The following COL16A1 variants were observed in gnomAD, a reference collection of about 807,000 sequenced individuals.
The protein encoded by COL16A1 is collagen type XVI alpha 1 chain, also known as collagen alpha-1(XVI) chain.
In COL16A1, 189 loss-of-function variants were observed where a neutral mutation model predicts 266.3. The observed-to-expected ratio is 0.71, with a 90% CI of 0.63 to 0.80. The LOEUF is 0.80. COL16A1 is among the 30% of genes least tolerant of loss of function. The probability of loss-of-function intolerance (pLI) is 0.00; values close to 1 mark genes in which losing one functional copy is unlikely to be tolerated. For synonymous variants in COL16A1, 740 were observed against 782.3 expected (o/e 0.95, Z 0.90); for missense variants, 1,928 against 2,122.4 (o/e 0.91, Z 1.80).
intron 42 of COL16A1, among the ~76,000 whole-genome samples, chr1:31,678,331 G>A (rs11807597): frequency 1.3e-3 from 192 of 152,286 alleles, no homozygotes; most frequent in African/African-American, 4.4e-3. Flanking sequence ...CCAGACACAC[G>A]GACAGTGGTG....
In COL16A1 at chr1:31,652,619, G is replaced by A. The variant is rs776555093; in HGVS notation, c.*32C>T. 1.3e-5 allele frequency: 20 copies of A among 1,528,530 alleles called. No homozygotes were observed. Among genetic ancestry groups the A allele is most frequent in the Admixed American group, 6.9e-5 (3 of 43,310 alleles). The allele number at this position is 1,528,530 out of a possible 1,614,324, so 94.7% of individuals were successfully genotyped here. ...TAAGCTTTGGCCATTTATTCCCAACGGAGTCTTTCATCCAAAGGCAGGTGG... is the reference window on the plus strand; with the variant it reads ...TAAGCTTTGGCCATTTATTCCCAACAGAGTCTTTCATCCAAAGGCAGGTGG... On this transcript the variant is annotated 3_prime_UTR_variant, in exon 71 of 71. Coordinates refer to ENST00000373672, the MANE Select transcript of COL16A1 (RefSeq NM_001856.4). The surrounding 1 kb of genome is among the most constrained non-coding windows in gnomAD (Gnocchi z 4.8).
chr1:31,689,497 C>T, intron 23 of COL16A1: 1 of 574,372 alleles, frequency 1.7e-6, no homozygotes, highest in South Asian at 2.2e-5. Flanking sequence ...GCCCAAAAGG[C>T]ACCCTAGAGT....
intron 60 of COL16A1, 129 bp downstream of exon 60, chr1:31,661,285 C>A (rs1421491985): frequency 6.5e-7 from 1 of 1,530,338 alleles, no homozygotes; most frequent in Non-Finnish European, 8.9e-7. Context: ...GTCTGCCAGG[C>A]ACCAGTGGCC....
At chr1:31,676,772 TC>T (rs952748832) in intron 42 of COL16A1, among the ~76,000 whole-genome samples, 1 of 152,216 alleles carries the variant, frequency 6.6e-6, no homozygotes, top group African/African-American at 2.4e-5. Context: ...CCATTTTGAA[TC>T]CCCAGCACCC....
At chr1:31,655,036 T>C (rs1640994689) in intron 67 of COL16A1, among the ~76,000 whole-genome samples, 178 bp from the exon 68 acceptor site, 1 of 134,252 alleles carries the variant, frequency 7.4e-6, no homozygotes, top group Non-Finnish European at 1.5e-5. Flanking sequence ...CAGACTGGAG[T>C]GCAGTGGCGC....
intron 67 of COL16A1, 110 bp from the exon 68 acceptor site, chr1:31,654,968 ATTCTTTTT>A: frequency 6.9e-6 from 3 of 435,970 alleles, no homozygotes; most frequent in Non-Finnish European, 1.0e-5. Flanking sequence ...CCTCCCACAG[ATTCTTTTT>A]TTTTTTTTTT....
At chr1:31,667,754 G>T (rs547685546) in intron 51 of COL16A1, 126 bp from the exon 52 acceptor site, 42 of 942,586 alleles carry the variant, frequency 4.5e-5, no homozygotes, top group Non-Finnish European at 6.4e-5. Context: ...TGGGAGGACC[G>T]CTGGGTGCTC....
rs1641296964 is a variant in COL16A1 at position 31,657,776 on chromosome 1, A to G, written c.4021-708T>C. Among the ~76,000 whole-genome samples, 1 of 152,200 alleles carries G rather than the reference A, an allele frequency of 6.6e-6. No homozygotes were observed. Among genetic ancestry groups the G allele is most frequent in the Non-Finnish European group, 1.5e-5 (1 of 68,038 alleles). ...AGACTTTTCATCCCTGACCCTGGCA[A>G]TCAGTTGCACCTGTTAGGGTTCACC... On this transcript the variant is annotated intron_variant, in intron 64 of 70. Transcript: ENST00000373672. The surrounding 1 kb of genome is among the most constrained non-coding windows in gnomAD (Gnocchi z 6.4).
chr1:31,662,611 C>A lies in COL16A1; in HGVS notation c.3603G>T (p.Gly1201=). 6.4e-7 allele frequency: 1 copy of A among 1,566,180 alleles called. No individual in the cohort carries two copies. The highest frequency in any genetic ancestry group is 8.7e-7 in the Non-Finnish European group (1 of 1,155,890). The change falls in exon 57 of 71, where the codon GGG becomes GGT. Residue 1201 remains glycine, a synonymous_variant. Transcript: ENST00000373672. ...RGPSGLPGSP[G]PPGPPGIQGP... ...CCTGAATCCCAGGAGGTCCCGGTGGCCCAGGGGAGCCAGGCAGGCCTGATG... is the reference window on the plus strand; with the variant it reads ...CCTGAATCCCAGGAGGTCCCGGTGGACCAGGGGAGCCAGGCAGGCCTGATG...
chr1:31,689,354 G>T (rs2148797295), intron 23 of COL16A1: 1 of 601,036 alleles, frequency 1.7e-6, no homozygotes, highest in East Asian at 2.8e-5. Flanking sequence ...CAGCTCCCAG[G>T]TGCTCCTGAA....
In COL16A1 at chr1:31,698,531, C is replaced by G. The variant is rs755669209; in HGVS notation, c.342G>C (p.Gln114His). The change falls in exon 5 of 71, where the codon CAG becomes CAC. Residue 114 changes from glutamine (Q) to histidine (H), a missense_variant. By Grantham distance (24) the Gln-to-His change is conservative. Transcript: ENST00000373672. This position sits in a 1 kb window ranked among gnomAD's most constrained non-coding sequence, Gnocchi z 4.1. ...TCACTTGAAACAGATACCACGTCTT[C>G]TGGTGGGTGTGTTTCTTCAGCAGTA... Reference protein sequence around the residue: ...LTLLLKKHTHQKTWYLFQVTD... With the variant: ...LTLLLKKHTHHKTWYLFQVTD... 1.2e-6 allele frequency: 2 copies of G among 1,614,128 alleles called. No homozygotes were observed. The highest frequency in any genetic ancestry group is 2.2e-5 in the South Asian group (2 of 91,084).
At chr1:31,680,196 G>T (rs901384078) in intron 39 of COL16A1, 95 bp from the exon 40 acceptor site, 1 of 1,518,402 alleles carries the variant, frequency 6.6e-7, no homozygotes, top group African/African-American at 1.4e-5. Context: ...GAGATGGAGA[G>T]GCCAGGGTTT....
Position 31,698,053 on chromosome 1 carries a change from C to T in COL16A1, c.510G>A (p.Lys170=). ...VPQLFDLRWH[K]LMLSVAGRVA... The stretch of plus-strand genomic sequence containing the variant: ...CACGTCCAGCCACACTCAGCATCAG[C>T]TTGTGCCAACGCAAGTCGAAGAGCT... The change falls in exon 6 of 71, where the codon AAG becomes AAA. Residue 170 remains lysine, a synonymous_variant. Transcript: ENST00000373672. The surrounding 1 kb of genome is among the most constrained non-coding windows in gnomAD (Gnocchi z 4.1). 1 of 1,613,980 alleles carries T rather than the reference C, an allele frequency of 6.2e-7. No individual in the cohort carries two copies. Among genetic ancestry groups the T allele is most frequent in the East Asian group, 2.2e-5 (1 of 44,886 alleles).
rs1641295601 is a variant in COL16A1 at position 31,657,755 on chromosome 1, T to G, written c.4021-687A>C. ...CCCTGCCTCTGCTCTCCCAGGAGACTTTTCATCCCTGACCCTGGCAATCAG... is the reference window on the plus strand; with the variant it reads ...CCCTGCCTCTGCTCTCCCAGGAGACGTTTCATCCCTGACCCTGGCAATCAG... On this transcript the variant is annotated intron_variant, in intron 64 of 70. Transcript: ENST00000373672. This position sits in a 1 kb window ranked among gnomAD's most constrained non-coding sequence, Gnocchi z 6.4. Among the ~76,000 whole-genome samples, 1 of 152,192 alleles carries G rather than the reference T, an allele frequency of 6.6e-6. No homozygotes were observed. The highest frequency in any genetic ancestry group is 2.4e-5 in the African/African-American group (1 of 41,444).
At chr1:31,661,860 C>T in intron 58 of COL16A1, 156 bp from the exon 59 acceptor site, 1 of 763,788 alleles carries the variant, frequency 1.3e-6, no homozygotes. Flanking sequence ...TGTGGATCCT[C>T]AGTGACTTCC....
At chr1:31,665,448 G>A in intron 55 of COL16A1, 135 bp downstream of exon 55, 5 of 1,527,644 alleles carry the variant, frequency 3.3e-6, no homozygotes, top group Non-Finnish European at 4.4e-6. Context: ...AATCAGGCCT[G>A]GCCACCCAGG....
Position 31,688,525 on chromosome 1 carries a change from T to C in COL16A1, c.1768-23A>G. The C allele has an allele frequency of 6.2e-7, 1 of 1,613,572 alleles. No individual in the cohort carries two copies. The highest frequency in any genetic ancestry group is 1.1e-5 in the South Asian group (1 of 91,026). On this transcript the variant is annotated intron_variant, in intron 25 of 70. Coordinates refer to ENST00000373672, the MANE Select transcript of COL16A1 (RefSeq NM_001856.4). The surrounding 1 kb of genome is among the most constrained non-coding windows in gnomAD (Gnocchi z 4.9). Reference sequence around the variant, plus strand: ...ACCCTGAAAAACAACCAAGACAGAGTCTCAGCATCTCCCCACTCCCACCTC... The same window carrying C: ...ACCCTGAAAAACAACCAAGACAGAGCCTCAGCATCTCCCCACTCCCACCTC...
In COL16A1 at chr1:31,688,994, C is replaced by T. The variant is rs751407410; in HGVS notation, c.1657-23G>A. On this transcript the variant is annotated intron_variant, in intron 24 of 70. Coordinates refer to ENST00000373672, the MANE Select transcript of COL16A1 (RefSeq NM_001856.4). This position sits in a 1 kb window ranked among gnomAD's most constrained non-coding sequence, Gnocchi z 4.9. Reference sequence around the variant, plus strand: ...CCCCTGGGGAAAGAAGAGGAAGGATCAGAAATGCTTCCAGGTAGGCAGAGG... The same window carrying T: ...CCCCTGGGGAAAGAAGAGGAAGGATTAGAAATGCTTCCAGGTAGGCAGAGG... The T allele has an allele frequency of 6.2e-7, 1 of 1,614,066 alleles. No homozygotes were observed. Among genetic ancestry groups the T allele is most frequent in the Non-Finnish European group, 8.5e-7 (1 of 1,179,982 alleles).
At chr1:31,671,684 G>A in intron 47 of COL16A1, 25 bp from the exon 48 acceptor site, 1 of 1,613,918 alleles carries the variant, frequency 6.2e-7, no homozygotes, top group Non-Finnish European at 8.5e-7. Flanking sequence ...AAGGGAAATG[G>A]ATGAAGAGGC....
Sources: gnomAD v4.1 joint callset for allele counts (sites outside exome capture counted in the v4.1 genomes callset) on GRCh38, gnomAD v4.1.1 for gene constraint, Gnocchi (gnomAD v3.1) non-coding constraint, MANE v1.5 for transcripts, NCBI Gene and HGNC (gene_info 2026-07-23, HGNC 2026-07-21) for gene names.